Variants in ENTREP2 observed in about 807,000 individuals in gnomAD.
ENTREP2 encodes the protein protein ENTREP2.
the ENTREP2 span, among the ~76,000 whole-genome samples, chr15:29,522,496 C>T: frequency 6.6e-6 from 1 of 152,084 alleles, no homozygotes; most frequent in Non-Finnish European, 1.5e-5. Flanking sequence ...TTTTTCAGAA[C>T]CCTAAAAATT....
the ENTREP2 span, among the ~76,000 whole-genome samples, chr15:29,270,975 T>C: frequency 4.9e-3 from 748 of 152,376 alleles, 2 homozygotes; most frequent in African/African-American, 0.017. Flanking sequence ...ATCTGAGTAA[T>C]AGCATCAAAC....
the ENTREP2 span, among the ~76,000 whole-genome samples, chr15:29,127,149 G>C: frequency 1.3e-5 from 2 of 152,200 alleles, no homozygotes; most frequent in Non-Finnish European, 2.9e-5. Context: ...AAGAACTGCT[G>C]GTCTGGACCG....
At chr15:29,605,449 T>A in the ENTREP2 span, among the ~76,000 whole-genome samples, 1 of 152,220 alleles carries the variant, frequency 6.6e-6, no homozygotes, top group Non-Finnish European at 1.5e-5. Flanking sequence ...TCTGAGTTTG[T>A]CTTATTTCAC....
At chr15:29,269,549 C>T in the ENTREP2 span, 5 of 1,512,842 alleles carry the variant, frequency 3.3e-6, no homozygotes, top group South Asian at 1.2e-5. Context: ...CCGCCCGGCC[C>T]GCGGGACGTG....
At chr15:29,661,645 G>A in the ENTREP2 span, among the ~76,000 whole-genome samples, 1 of 152,160 alleles carries the variant, frequency 6.6e-6, no homozygotes, top group South Asian at 2.1e-4. Flanking sequence ...CAATTCAGTA[G>A]AATATTTAAT....
chr15:29,136,169 C>T, the ENTREP2 span, among the ~76,000 whole-genome samples: 1 of 152,238 alleles, frequency 6.6e-6, no homozygotes, highest in Non-Finnish European at 1.5e-5. Flanking sequence ...GCTGATAAGA[C>T]CAACATCCCA....
At chr15:29,231,447 C>T in the ENTREP2 span, among the ~76,000 whole-genome samples, 2 of 152,132 alleles carry the variant, frequency 1.3e-5, no homozygotes, top group Non-Finnish European at 2.9e-5. Flanking sequence ...TTCTCTTCCT[C>T]TCATATCCCA....
At chr15:29,431,976 G>C in the ENTREP2 span, among the ~76,000 whole-genome samples, 3 of 152,150 alleles carry the variant, frequency 2.0e-5, no homozygotes, top group Non-Finnish European at 2.9e-5. Context: ...AGGCTATTTT[G>C]ATAGTTAGCA....
At chr15:29,356,290 ATATATATTTTTTTTT>A in the ENTREP2 span, among the ~76,000 whole-genome samples, 1 of 55,348 alleles carries the variant, frequency 1.8e-5, no homozygotes, top group African/African-American at 8.4e-5. Context: ...ATATATATAT[ATATATATTTTTTTTT>A]TTTTTTTTTT....
the ENTREP2 span, among the ~76,000 whole-genome samples, chr15:29,667,530 C>T: frequency 1.6e-5 from 2 of 123,918 alleles, no homozygotes; most frequent in African/African-American, 3.1e-5. Context: ...TCGTTCTTGT[C>T]ACCTAGGCTA....
chr15:29,152,186 T>G, the ENTREP2 span, among the ~76,000 whole-genome samples: 1 of 152,192 alleles, frequency 6.6e-6, no homozygotes, highest in Admixed American at 6.5e-5. Flanking sequence ...ATAACTCAAG[T>G]GAAACTTTTT....
At chr15:29,404,976 C>T in the ENTREP2 span, among the ~76,000 whole-genome samples, 1 of 152,154 alleles carries the variant, frequency 6.6e-6, no homozygotes, top group African/African-American at 2.4e-5. Context: ...TTCCTCCCTC[C>T]ACCTGGTACC....
chr15:29,137,496 T>C, the ENTREP2 span, among the ~76,000 whole-genome samples: 4 of 152,280 alleles, frequency 2.6e-5, no homozygotes, highest in Middle Eastern at 3.4e-3. Flanking sequence ...CTGATGACAG[T>C]ACTCAAAGAC....
chr15:29,447,213 CA>C, the ENTREP2 span, among the ~76,000 whole-genome samples: 1 of 152,160 alleles, frequency 6.6e-6, no homozygotes, highest in African/African-American at 2.4e-5. Flanking sequence ...TCCAATAAAT[CA>C]AAAAAGAAAG....
the ENTREP2 span, among the ~76,000 whole-genome samples, chr15:29,184,797 T>C: frequency 2.0e-5 from 3 of 152,162 alleles, no homozygotes. Context: ...GTGGCCCCTC[T>C]CACTTTGGGG....
chr15:29,442,719 C>T, the ENTREP2 span, among the ~76,000 whole-genome samples: 1 of 152,186 alleles, frequency 6.6e-6, no homozygotes, highest in East Asian at 1.9e-4. Flanking sequence ...TCCCCGTGCC[C>T]CCCGACCTGG....
chr15:29,224,744 G>A, the ENTREP2 span, among the ~76,000 whole-genome samples: 8 of 152,222 alleles, frequency 5.3e-5, no homozygotes, highest in East Asian at 3.9e-4. Flanking sequence ...CAGTGGATCC[G>A]GCACCGGGCC....
the ENTREP2 span, among the ~76,000 whole-genome samples, chr15:29,537,723 C>T: frequency 6.6e-6 from 1 of 152,238 alleles, no homozygotes; most frequent in Non-Finnish European, 1.5e-5. Context: ...CAAAACCCTC[C>T]AGTAGCTCCT....
At chr15:29,648,091 C>T in the ENTREP2 span, among the ~76,000 whole-genome samples, 3 of 114,826 alleles carry the variant, frequency 2.6e-5, no homozygotes, top group African/African-American at 1.8e-4. Flanking sequence ...TCCACCTGAA[C>T]ATCATCATCA....
Sources: allele counts gnomAD v4.1 joint callset (sites outside exome capture counted in the v4.1 genomes callset), GRCh38; gene constraint gnomAD v4.1.1; transcripts MANE v1.5; gene names NCBI Gene and HGNC (gene_info 2026-07-23, HGNC 2026-07-21).